Variants in KAT6B observed in about 807,000 individuals in gnomAD.
The protein encoded by KAT6B is histone acetyltransferase KAT6B.
Under a neutral mutation model 187.5 loss-of-function variants are expected in KAT6B, and 10 were observed. The observed-to-expected ratio is 0.05, with a 90% CI of 0.03 to 0.09. The LOEUF (loss-of-function observed/expected upper bound fraction) is 0.09. Ranked by LOEUF, KAT6B falls within the 10% of genes least tolerant of loss-of-function variation. The pLI is 1.00. For synonymous variants in KAT6B, 861 were observed against 926.8 expected, an observed-to-expected ratio of 0.93 and a Z score of 1.29; for missense variants, 1,952 against 2,558.9, an observed-to-expected ratio of 0.76 and a Z score of 5.12.
At chr10:74,960,554 T>TG (rs529158071) in intron 4 of KAT6B, among the ~76,000 whole-genome samples, 1 of 142,696 alleles carries the variant, frequency 7.0e-6, no homozygotes, top group Non-Finnish European at 1.5e-5. Flanking sequence ...TAGTAATCTC[T>TG]AAAAAAAAAA....
intron 17 of KAT6B, 78 bp downstream of exon 17, chr10:75,025,327 G>C (rs560169809): frequency 2.7e-6 from 4 of 1,465,416 alleles, no homozygotes; most frequent in East Asian, 4.7e-5. Flanking sequence ...GGCCTCTGGC[G>C]TGATGCCCAG....
At chr10:75,015,648 A>C (rs538952699) in intron 13 of KAT6B, among the ~76,000 whole-genome samples, 1 of 152,300 alleles carries the variant, frequency 6.6e-6, no homozygotes, top group South Asian at 2.1e-4. Flanking sequence ...GCTGCCATAA[A>C]TCCCTGGCCT....
intron 3 of KAT6B, among the ~76,000 whole-genome samples, chr10:74,956,355 T>C (rs917310123): frequency 6.6e-6 from 1 of 152,226 alleles, no homozygotes; most frequent in Non-Finnish European, 1.5e-5. Flanking sequence ...GTTTATAAAG[T>C]GTCCACCAGA....
chr10:74,933,448 C>T (rs1326753713), intron 3 of KAT6B, among the ~76,000 whole-genome samples: 1 of 152,102 alleles, frequency 6.6e-6, no homozygotes, highest in African/African-American at 2.4e-5. Context: ...ATTCATGAGC[C>T]CCAACTGCAA....
rs1186434895 is a variant in KAT6B at position 75,028,576 on chromosome 10, G to C, written c.3752G>C (p.Gly1251Ala). 6.2e-7 allele frequency: 1 copy of C among 1,614,172 alleles called. No homozygotes were observed. Reference sequence around the variant, plus strand: ...AAGTGCAAACAAGTGTGGCCAAAAGGAACAAAGCGCGGTCTATCTAAGTGG... The same window carrying C: ...AAGTGCAAACAAGTGTGGCCAAAAGCAACAAAGCGCGGTCTATCTAAGTGG... ...PLKCKQVWPK[G>A]TKRGLSKWRQ... The change falls in exon 18 of 18, where the codon GGA becomes GCA. Residue 1251 changes from glycine to alanine, a missense_variant. Gly to Ala is a moderately conservative substitution (Grantham distance 60). Coordinates refer to ENST00000287239, the MANE Select transcript of KAT6B (RefSeq NM_012330.4).
intron 3 of KAT6B, among the ~76,000 whole-genome samples, chr10:74,886,451 A>G (rs1456949750): frequency 6.6e-6 from 1 of 152,226 alleles, no homozygotes; most frequent in African/African-American, 2.4e-5. Context: ...CTCACCAACC[A>G]GGAGTATCTA....
rs1840710829 is a variant in KAT6B at position 74,830,746 on chromosome 10, A to ATATATATATATATATATATATG, written c.-329+3982_-329+3983insGTATATATATATATATATATAT. Among the ~76,000 whole-genome samples, 4 of 16,872 alleles carry ATATATATATATATATATATATG rather than the reference A, an allele frequency of 2.4e-4. No homozygotes were observed. The South Asian group carries it at 8.3e-3, about 35-fold the overall frequency. 11.1% of individuals were successfully genotyped at this position (16,872 alleles called of 152,430 possible). ...CACAGCTCTTCATATATATATATAT[A>ATATATATATATATATATATATG]TATATATATATATATATATATATTT... On this transcript the variant is annotated intron_variant, in intron 1 of 17. Coordinates refer to ENST00000287239, the MANE Select transcript of KAT6B (RefSeq NM_012330.4).
intron 3 of KAT6B, among the ~76,000 whole-genome samples, chr10:74,892,120 C>A (rs1211742283): frequency 6.6e-6 from 1 of 152,164 alleles, no homozygotes; most frequent in African/African-American, 2.4e-5. Flanking sequence ...GTAATCCCAG[C>A]ACTTTGGGAG....
chr10:74,972,478 A>G, intron 6 of KAT6B, 29 bp from the exon 7 acceptor site: 2 of 1,467,900 alleles, frequency 1.4e-6, no homozygotes, highest in Non-Finnish European at 1.9e-6. Flanking sequence ...AAACATTAAA[A>G]TATTTTTCTC....
intron 3 of KAT6B, among the ~76,000 whole-genome samples, chr10:74,867,964 A>G (rs1447327576): frequency 6.6e-6 from 1 of 152,220 alleles, no homozygotes; most frequent in East Asian, 1.9e-4. Flanking sequence ...GATTGAAGCA[A>G]AGGTTTATGG....
chr10:74,919,646 G>A (rs1291974153), intron 3 of KAT6B, among the ~76,000 whole-genome samples: 13 of 151,984 alleles, frequency 8.6e-5, no homozygotes, highest in African/African-American at 2.9e-4. Flanking sequence ...CAGGCGATCC[G>A]CCCACCTAGG....
At chr10:74,942,918 T>C (rs1849798017) in intron 3 of KAT6B, among the ~76,000 whole-genome samples, 1 of 152,090 alleles carries the variant, frequency 6.6e-6, no homozygotes. Flanking sequence ...CTAGCCAGTG[T>C]AACAAGGTAT....
chr10:74,953,357 A>G (rs1197560901), intron 3 of KAT6B, among the ~76,000 whole-genome samples: 4 of 152,214 alleles, frequency 2.6e-5, no homozygotes, highest in African/African-American at 4.8e-5. Flanking sequence ...AAATTTTGCA[A>G]TACTCATAAT....
At chr10:74,872,634 T>C (rs970350603) in intron 3 of KAT6B, among the ~76,000 whole-genome samples, 4 of 151,964 alleles carry the variant, frequency 2.6e-5, no homozygotes, top group African/African-American at 9.7e-5. Context: ...CACCTCAGGC[T>C]CCTGAGTAGC....
chr10:74,860,039 G>A (rs2132276062), intron 3 of KAT6B, among the ~76,000 whole-genome samples: 1 of 152,114 alleles, frequency 6.6e-6, no homozygotes, highest in South Asian at 2.1e-4. Context: ...TTTTTCAGTT[G>A]TTTTTTATTT....
rs760871960 is a variant in KAT6B, at chr10:75,030,168, G to A, written c.5344G>A (p.Ala1782Thr). ...AANFTPPMQL[A>T]EIPETSNANI... ...TAACTTCACCCCACCCATGCAGCTG[G>A]CTGAAATCCCCGAGACGAGCAACGC... Residue 1782 changes from alanine to threonine, a missense_variant, in exon 18 of 18, where the codon GCT (alanine) becomes ACT (threonine). Transcript: ENST00000287239. This position sits in a 1 kb window ranked among gnomAD's most constrained non-coding sequence, Gnocchi z 4.8. 6.2e-7 allele frequency: 1 copy of A among 1,614,200 alleles called. No homozygotes were observed.
intron 3 of KAT6B, among the ~76,000 whole-genome samples, chr10:74,938,176 G>A (rs528829297): frequency 6.6e-6 from 1 of 152,302 alleles, no homozygotes; most frequent in East Asian, 1.9e-4. Context: ...CAAAAATGTG[G>A]ACCGCAGGTC....
At chr10:74,831,327 C>T (rs1263820039) in intron 1 of KAT6B, among the ~76,000 whole-genome samples, 2 of 152,080 alleles carry the variant, frequency 1.3e-5, no homozygotes, top group East Asian at 1.9e-4. Flanking sequence ...TTAATGGAGT[C>T]AAATTTATTG....
intron 13 of KAT6B, among the ~76,000 whole-genome samples, chr10:75,008,491 T>C (rs1385175314): frequency 6.6e-6 from 1 of 152,248 alleles, no homozygotes; most frequent in East Asian, 1.9e-4. Context: ...CAGGCTTCCT[T>C]CTTCTTAAGA....
Sources: allele counts gnomAD v4.1 joint callset (sites outside exome capture counted in the v4.1 genomes callset), GRCh38; gene constraint gnomAD v4.1.1; non-coding constraint Gnocchi (gnomAD v3.1); transcripts MANE v1.5; gene names NCBI Gene and HGNC (gene_info 2026-07-23, HGNC 2026-07-21).